Variants in PPP1R14C observed in about 807,000 individuals in gnomAD.
The protein encoded by PPP1R14C is protein phosphatase 1 regulatory inhibitor subunit 14C, also known as protein phosphatase 1 regulatory subunit 14C.
A neutral mutation model predicts 20.4 loss-of-function variants in PPP1R14C; 16 were observed. The ratio of observed to expected loss-of-function variants is 0.78; its 90% confidence interval spans 0.53 to 1.19. PPP1R14C has a LOEUF of 1.19. PPP1R14C is among the 50% of genes most tolerant of loss of function. The pLI is 0.00. For synonymous variants in PPP1R14C, 91 were observed against 91.0 expected (o/e 1.00, Z 0.00); for missense variants, 211 against 220.1 (o/e 0.96, Z 0.26).
chr6:150,153,337 A>G (rs1165512424), intron 1 of PPP1R14C, among the ~76,000 whole-genome samples: 1 of 152,280 alleles, frequency 6.6e-6, no homozygotes. Context: ...GTTATAAATT[A>G]TAACTATGGA....
At chr6:150,228,649 A>G (rs1778257141) in intron 3 of PPP1R14C, among the ~76,000 whole-genome samples, 1 of 152,112 alleles carries the variant, frequency 6.6e-6, no homozygotes, top group Non-Finnish European at 1.5e-5. Flanking sequence ...CGTCTACTCT[A>G]AATCACATCG....
At chr6:150,162,273 T>A (rs1195484487) in intron 1 of PPP1R14C, among the ~76,000 whole-genome samples, 1 of 152,212 alleles carries the variant, frequency 6.6e-6, no homozygotes, top group East Asian at 1.9e-4. Flanking sequence ...CAGCCTGATC[T>A]CGAACTCCTG....
chr6:150,158,573 A>G (rs1328977794), intron 1 of PPP1R14C, among the ~76,000 whole-genome samples: 4 of 152,242 alleles, frequency 2.6e-5, no homozygotes, highest in Non-Finnish European at 5.9e-5. Flanking sequence ...TACCTAGAAA[A>G]GAGATTTGGA....
intron 1 of PPP1R14C, among the ~76,000 whole-genome samples, chr6:150,189,710 T>G (rs918537970): frequency 6.6e-6 from 1 of 152,200 alleles, no homozygotes; most frequent in Non-Finnish European, 1.5e-5. Flanking sequence ...TGACTTTATA[T>G]TCTAGGATTG....
chr6:150,232,094 GTATTGC>G (rs1313744672), intron 3 of PPP1R14C, among the ~76,000 whole-genome samples: 1 of 152,116 alleles, frequency 6.6e-6, no homozygotes, highest in African/African-American at 2.4e-5. Flanking sequence ...TCTACACCTG[GTATTGC>G]TAAGTGTTAA....
At chr6:150,210,864 G>T (rs9478581) in intron 1 of PPP1R14C, among the ~76,000 whole-genome samples, 1,703 of 152,158 alleles carry the variant, frequency 0.011, 27 homozygotes, top group African/African-American at 0.039. Flanking sequence ...TAGCCCCTCA[G>T]CCTGCTCCAT....
chr6:150,171,839 G>T (rs1253329012), intron 1 of PPP1R14C, among the ~76,000 whole-genome samples: 1 of 151,840 alleles, frequency 6.6e-6, no homozygotes, highest in African/African-American at 2.4e-5. Flanking sequence ...ACGGAGTCTT[G>T]CTCTCACCCA....
intron 1 of PPP1R14C, among the ~76,000 whole-genome samples, chr6:150,163,407 A>G (rs1582898785): frequency 6.6e-6 from 1 of 152,244 alleles, no homozygotes; most frequent in Admixed American, 6.5e-5. Flanking sequence ...AACAACAACA[A>G]CAAAAAACTT....
intron 1 of PPP1R14C, among the ~76,000 whole-genome samples, chr6:150,164,075 GTAA>G (rs751944291): frequency 6.6e-6 from 1 of 152,272 alleles, no homozygotes; most frequent in East Asian, 1.9e-4. Flanking sequence ...CGTCTGTTAT[GTAA>G]TATAGTGGTG....
chr6:150,249,001 G>T lies in PPP1R14C; in HGVS notation c.*181G>T, dbSNP rs907047353. The stretch of plus-strand genomic sequence containing the variant: ...ATTTATTCAAGAGCGTTCTTTTTTT[G>T]GTTTTAAAGGTTTTTGTTAATGTAA... On this transcript the variant is annotated 3_prime_UTR_variant, in exon 4 of 4. Transcript: ENST00000361131. The T allele has an allele frequency of 1.3e-5, 6 of 459,342 alleles. No homozygotes were observed. Among genetic ancestry groups the T allele is most frequent in the Non-Finnish European group, 2.3e-5 (6 of 262,024 alleles). 28.5% of individuals were successfully genotyped at this position (459,342 alleles called of 1,614,324 possible).
intron 1 of PPP1R14C, among the ~76,000 whole-genome samples, chr6:150,170,565 G>A (rs1156487351): frequency 6.6e-6 from 1 of 151,912 alleles, no homozygotes; most frequent in Non-Finnish European, 1.5e-5. Flanking sequence ...CTCGTGATCC[G>A]CCCGCCTCGG....
intron 1 of PPP1R14C, among the ~76,000 whole-genome samples, chr6:150,206,866 G>GT (rs1188310483): frequency 2.8e-5 from 4 of 142,170 alleles, no homozygotes; most frequent in African/African-American, 1.1e-4. Context: ...GTTTGTTTCT[G>GT]TTTTTGTTTT....
At chr6:150,245,155 C>A (rs1439561991) in intron 3 of PPP1R14C, among the ~76,000 whole-genome samples, 1 of 152,192 alleles carries the variant, frequency 6.6e-6, no homozygotes, top group Admixed American at 6.5e-5. Context: ...CTCAGTCCAG[C>A]AGCAAGGTCT....
intron 1 of PPP1R14C, among the ~76,000 whole-genome samples, chr6:150,174,745 A>AC (rs1777542343): frequency 6.6e-6 from 1 of 151,640 alleles, no homozygotes; most frequent in African/African-American, 2.4e-5. Flanking sequence ...TGGACGGATC[A>AC]CAAGGTCAGG....
chr6:150,244,823 A>AT (rs1170614856), intron 3 of PPP1R14C, among the ~76,000 whole-genome samples: 3 of 151,872 alleles, frequency 2.0e-5, no homozygotes, highest in African/African-American at 7.3e-5. Context: ...AATAAATTCT[A>AT]TTTTTCACAA....
Position 150,186,980 on chromosome 6 carries a change from C to CT in PPP1R14C, c.307-27752dup, listed in dbSNP as rs777549797. Among the ~76,000 whole-genome samples, 1,325 of 145,240 alleles carry CT rather than the reference C, an allele frequency of 9.1e-3. 21 individuals are homozygous for CT. The highest frequency in any genetic ancestry group is 0.029 in the African/African-American group (1,172 of 39,806). ...TCTTTTAAGTTATGCTTGACTTAGTCTTTTTTTTTTTTGAGACGGAGTTTC... is the reference window on the plus strand; with the variant it reads ...TCTTTTAAGTTATGCTTGACTTAGTCTTTTTTTTTTTTTGAGACGGAGTTTC... On this transcript the variant is annotated intron_variant, in intron 1 of 3. Transcript: ENST00000361131.
chr6:150,234,412 CA>C (rs149575512), intron 3 of PPP1R14C, among the ~76,000 whole-genome samples: 6,042 of 151,416 alleles, frequency 0.04, 390 homozygotes, highest in African/African-American at 0.14. Flanking sequence ...AAACAAACAA[CA>C]AAAAAAAGAC....
rs1017016697 is a variant in PPP1R14C, at chr6:150,201,857, G to A, written c.307-12887G>A. 6.6e-6 allele frequency among the ~76,000 whole-genome samples: 1 copy of A among 152,206 alleles called. No homozygotes were observed. The highest frequency in any genetic ancestry group is 2.4e-5 in the African/African-American group (1 of 41,448). Reference sequence around the variant, plus strand: ...AATTGACAGTTATGGTGATGGATTGGATGGTGGCGACAGGGAGAGGAGGGG... The same window carrying A: ...AATTGACAGTTATGGTGATGGATTGAATGGTGGCGACAGGGAGAGGAGGGG... On this transcript the variant is annotated intron_variant, in intron 1 of 3. Coordinates refer to ENST00000361131, the MANE Select transcript of PPP1R14C (RefSeq NM_030949.3). This position sits in a 1 kb window ranked among gnomAD's most constrained non-coding sequence, Gnocchi z 4.2.
intron 1 of PPP1R14C, among the ~76,000 whole-genome samples, chr6:150,192,818 T>A (rs1367828426): frequency 6.6e-6 from 1 of 152,166 alleles, no homozygotes; most frequent in Non-Finnish European, 1.5e-5. Context: ...GATGGTTCCT[T>A]CACCTACAGG....
Sources: allele counts gnomAD v4.1 joint callset (sites outside exome capture counted in the v4.1 genomes callset), GRCh38; gene constraint gnomAD v4.1.1; non-coding constraint Gnocchi (gnomAD v3.1); transcripts MANE v1.5; gene names NCBI Gene and HGNC (gene_info 2026-07-23, HGNC 2026-07-21).